The following OLA1 variants were observed in gnomAD, a reference collection of about 807,000 sequenced individuals.
OLA1 encodes obg-like ATPase 1.
OLA1 carries 14 observed loss-of-function variants against 48.4 expected under a neutral mutation model. The observed-to-expected ratio is 0.29, with a 90% CI of 0.19 to 0.45. The LOEUF is 0.45. Among genes scored for constraint, OLA1 ranks in the 20% least tolerant of loss-of-function variants. The probability of loss-of-function intolerance (pLI) is 1.00; values close to 1 mark genes in which losing one functional copy is unlikely to be tolerated. For missense variants in OLA1, 325 were observed against 467.1 expected, an observed-to-expected ratio of 0.70 and a Z score of 2.80; for synonymous variants, 127 against 150.4, an observed-to-expected ratio of 0.84 and a Z score of 1.14.
chr2:174,140,907 CATTTT>C (rs910884087), intron 5 of OLA1, among the ~76,000 whole-genome samples: 2 of 151,946 alleles, frequency 1.3e-5, no homozygotes, highest in African/African-American at 4.8e-5. Flanking sequence ...TTACTAGTTT[CATTTT>C]ATTTTATTTT....
chr2:174,087,179 A>G (rs1202051603), intron 7 of OLA1, among the ~76,000 whole-genome samples: 1 of 151,746 alleles, frequency 6.6e-6, no homozygotes, highest in African/African-American at 2.4e-5. Flanking sequence ...GGTGCCCGCC[A>G]CCACACCCAG....
chr2:174,113,458 A>G (rs1270729266), intron 7 of OLA1, among the ~76,000 whole-genome samples: 1 of 152,154 alleles, frequency 6.6e-6, no homozygotes, highest in East Asian at 1.9e-4. Context: ...TTTATACATG[A>G]TATTGCGTAA....
chr2:174,232,020 A>C (rs1688739074), intron 2 of OLA1, among the ~76,000 whole-genome samples: 1 of 152,222 alleles, frequency 6.6e-6, no homozygotes, highest in African/African-American at 2.4e-5. Context: ...GCTTAAAAGC[A>C]GGAGAAAGAT....
At chr2:174,144,779 C>T (rs1553483359) in intron 4 of OLA1, among the ~76,000 whole-genome samples, 1 of 150,676 alleles carries the variant, frequency 6.6e-6, no homozygotes, top group Non-Finnish European at 1.5e-5. Flanking sequence ...ATTGTGAGAC[C>T]TTGTCCCTAA....
At chr2:174,093,979 G>A (rs1200079795) in intron 7 of OLA1, among the ~76,000 whole-genome samples, 1 of 152,202 alleles carries the variant, frequency 6.6e-6, no homozygotes, top group Non-Finnish European at 1.5e-5. Context: ...ATCAGAGATG[G>A]AACTTCCATA....
intron 4 of OLA1, among the ~76,000 whole-genome samples, chr2:174,205,833 C>T (rs1417387731): frequency 6.6e-6 from 1 of 152,116 alleles, no homozygotes; most frequent in Non-Finnish European, 1.5e-5. Context: ...GAGGGGAAGC[C>T]CTGACATCGC....
At chr2:174,220,948 T>C (rs1274472457) in intron 4 of OLA1, among the ~76,000 whole-genome samples, 1 of 152,148 alleles carries the variant, frequency 6.6e-6, no homozygotes, top group East Asian at 1.9e-4. Flanking sequence ...ATTAAAGAAT[T>C]ATCAATTTTC....
intron 4 of OLA1, among the ~76,000 whole-genome samples, chr2:174,207,157 T>G (rs1413679545): frequency 6.6e-6 from 1 of 152,154 alleles, no homozygotes; most frequent in Non-Finnish European, 1.5e-5. Flanking sequence ...ATGAAGGCAT[T>G]TTTACCTTCT....
rs144174188 is a variant in OLA1, at chr2:174,087,722, G to A, written c.729-5658C>T. ...CCTGAAATAGTTTTCTCCAGCATAC[G>A]TTAATAAGAAACTTATTGTATTATT... is the stretch of plus-strand genomic sequence containing the variant. On this transcript the variant is annotated intron_variant, in intron 7 of 10. Coordinates refer to ENST00000284719, the MANE Select transcript of OLA1 (RefSeq NM_013341.5). Among the ~76,000 whole-genome samples the A allele has an allele frequency of 3.9e-5, 6 of 152,146 alleles. No individual in the cohort carries two copies. The East Asian group carries it at 9.6e-4, about 24-fold the overall frequency.
intron 7 of OLA1, among the ~76,000 whole-genome samples, chr2:174,118,588 A>C (rs1052577467): frequency 5.3e-5 from 8 of 152,226 alleles, no homozygotes; most frequent in Non-Finnish European, 1.2e-4. Flanking sequence ...AGTACTTATA[A>C]ACCTTTTAAT....
At chr2:174,184,647 C>A (rs1309216376) in intron 4 of OLA1, among the ~76,000 whole-genome samples, 1 of 152,038 alleles carries the variant, frequency 6.6e-6, no homozygotes, top group Non-Finnish European at 1.5e-5. Flanking sequence ...AATGTTGGTT[C>A]CTTAGTTTTG....
intron 4 of OLA1, among the ~76,000 whole-genome samples, chr2:174,152,772 A>T (rs1442122535): frequency 6.6e-6 from 1 of 152,244 alleles, no homozygotes; most frequent in Non-Finnish European, 1.5e-5. Context: ...GTACTGATTT[A>T]CAATAAGATA....
intron 4 of OLA1, among the ~76,000 whole-genome samples, chr2:174,158,927 C>A (rs892208951): frequency 2.6e-5 from 4 of 152,154 alleles, no homozygotes; most frequent in Non-Finnish European, 5.9e-5. Flanking sequence ...CTAATCCCCC[C>A]ACCATGGGAT....
At chr2:174,234,297 T>C (rs1688799177) in intron 2 of OLA1, among the ~76,000 whole-genome samples, 1 of 152,170 alleles carries the variant, frequency 6.6e-6, no homozygotes, top group Admixed American at 6.5e-5. Flanking sequence ...ACATACAAAA[T>C]ATAGCTTAAT....
chr2:174,193,120 C>T (rs1422477242), intron 4 of OLA1, among the ~76,000 whole-genome samples: 3 of 140,028 alleles, frequency 2.1e-5, no homozygotes, highest in Admixed American at 7.5e-5. Flanking sequence ...ATGGGGGTCT[C>T]GCTCTGTTGC....
chr2:174,197,935 G>C (rs1004901215), intron 4 of OLA1, among the ~76,000 whole-genome samples: 1 of 152,214 alleles, frequency 6.6e-6, no homozygotes, highest in Non-Finnish European at 1.5e-5. Context: ...TGATCACGTA[G>C]CTGAAAGCTC....
chr2:174,204,592 A>G (rs890936531), intron 4 of OLA1, among the ~76,000 whole-genome samples: 2 of 152,190 alleles, frequency 1.3e-5, no homozygotes, highest in African/African-American at 4.8e-5. Flanking sequence ...CTATAATAGC[A>G]AAATAACTGA....
intron 4 of OLA1, among the ~76,000 whole-genome samples, chr2:174,202,262 CAT>C (rs1688006725): frequency 6.6e-6 from 1 of 152,068 alleles, no homozygotes; most frequent in African/African-American, 2.4e-5. Context: ...TGTAAACAAA[CAT>C]AAAGATGCAG....
chr2:174,075,264 G>T lies in OLA1; in HGVS notation c.*162C>A, dbSNP rs539606097. On this transcript the variant is annotated 3_prime_UTR_variant, in exon 11 of 11. Transcript: ENST00000284719. ...GAACCTGCATTTCATGGGGGGGGGG[G>T]GGTACACAGTATTTTAATTTTAAAA... The T allele has an allele frequency of 5.0e-5, 26 of 521,606 alleles. No individual in the cohort carries two copies. Among genetic ancestry groups the T allele is most frequent in the African/African-American group, 2.1e-4 (10 of 47,790 alleles). The allele number at this position is 521,606 out of a possible 1,614,324, so 32.3% of individuals were successfully genotyped here. A position where few individuals can be genotyped will look rare whatever the true frequency, so the allele number is the denominator to read the frequency against.
Sources: gnomAD v4.1 joint callset for allele counts (sites outside exome capture counted in the v4.1 genomes callset) on GRCh38, gnomAD v4.1.1 for gene constraint, MANE v1.5 for transcripts, NCBI Gene and HGNC (gene_info 2026-07-23, HGNC 2026-07-21) for gene names.